LUZP1: variants seen among roughly 807,000 people sequenced by gnomAD.
LUZP1 encodes filamin mechanobinding actin cross-linking protein.
A neutral mutation model predicts 71.3 loss-of-function variants in LUZP1; 25 were observed. That is an observed-to-expected ratio of 0.35 (90% confidence interval 0.26 to 0.49). The LOEUF is 0.49. LUZP1 is among the 20% of genes least tolerant of loss of function. LUZP1 has a pLI of 0.99. For synonymous variants in LUZP1, 481 were observed against 506.4 expected, an observed-to-expected ratio of 0.95 and a Z score of 0.67; for missense variants, 1,142 against 1,300.8, an observed-to-expected ratio of 0.88 and a Z score of 1.88.
chr1:23,175,119 G>A (rs1644575068), intron 1 of LUZP1, among the ~76,000 whole-genome samples: 1 of 152,018 alleles, frequency 6.6e-6, no homozygotes, highest in Non-Finnish European at 1.5e-5. Context: ...TGCAGACTGG[G>A]AAAACAAGGC....
chr1:23,125,047 G>A (rs1425570333), intron 2 of LUZP1, among the ~76,000 whole-genome samples: 1 of 152,088 alleles, frequency 6.6e-6, no homozygotes, highest in African/African-American at 2.4e-5. Flanking sequence ...CCATCATACA[G>A]AGCTGAGAGA....
At chr1:23,126,581 C>T (rs1644173432) in intron 2 of LUZP1, among the ~76,000 whole-genome samples, 2 of 152,184 alleles carry the variant, frequency 1.3e-5, no homozygotes, top group South Asian at 4.1e-4. Context: ...CCACCACTAC[C>T]ACTATATTCC....
intron 2 of LUZP1, among the ~76,000 whole-genome samples, chr1:23,151,688 A>C (rs1007947452): frequency 1.8e-4 from 28 of 152,154 alleles, no homozygotes; most frequent in African/African-American, 6.8e-4. Context: ...TCAAGTACCT[A>C]CTACACAGTA....
intron 3 of LUZP1, among the ~76,000 whole-genome samples, chr1:23,100,973 G>C (rs1364994547): frequency 6.6e-6 from 1 of 152,104 alleles, no homozygotes; most frequent in Non-Finnish European, 1.5e-5. Context: ...TCTATGTTCA[G>C]GATTCTTCCC....
chr1:23,107,132 T>A (rs1643989169), intron 3 of LUZP1, among the ~76,000 whole-genome samples: 1 of 152,176 alleles, frequency 6.6e-6, no homozygotes, highest in Non-Finnish European at 1.5e-5. Flanking sequence ...CCCCCAGATA[T>A]CTCCCTAGCT....
chr1:23,138,506 G>T (rs1041777893), intron 2 of LUZP1, among the ~76,000 whole-genome samples: 2 of 152,044 alleles, frequency 1.3e-5, no homozygotes, highest in Admixed American at 1.3e-4. Flanking sequence ...AGCAGAGAAC[G>T]GAGAGTGACT....
intron 2 of LUZP1, among the ~76,000 whole-genome samples, chr1:23,141,943 C>T (rs937970769): frequency 1.3e-5 from 2 of 151,844 alleles, no homozygotes; most frequent in African/African-American, 4.8e-5. Context: ...CTCCCGGGTT[C>T]AAGCAATTCT....
intron 2 of LUZP1, among the ~76,000 whole-genome samples, chr1:23,120,281 T>C (rs1257940276): frequency 6.6e-6 from 1 of 151,988 alleles, no homozygotes; most frequent in Non-Finnish European, 1.5e-5. Flanking sequence ...TCATCTGAAA[T>C]TCAGGATCCC....
intron 2 of LUZP1, among the ~76,000 whole-genome samples, chr1:23,128,442 G>A (rs893665052): frequency 6.6e-6 from 1 of 152,162 alleles, no homozygotes; most frequent in Non-Finnish European, 1.5e-5. Flanking sequence ...GTTCAAATGT[G>A]TTAATGCTTA....
chr1:23,148,726 CTAAT>C (rs1557681787), intron 2 of LUZP1, among the ~76,000 whole-genome samples: 1 of 152,136 alleles, frequency 6.6e-6, no homozygotes, highest in Admixed American at 6.5e-5. Context: ...ATTTAGGACA[CTAAT>C]TGATATAAAA....
chr1:23,091,927 C>T, exon 4 of LUZP1: 1 of 1,614,154 alleles, frequency 6.2e-7, no homozygotes, highest in East Asian at 2.2e-5. Context: ...TTCTGTTTCT[C>T]CAACGTAGTC....
At chr1:23,148,756 G>GTTTT (rs1327152646) in intron 2 of LUZP1, among the ~76,000 whole-genome samples, 3 of 151,704 alleles carry the variant, frequency 2.0e-5, no homozygotes. Flanking sequence ...CAAAAATTTT[G>GTTTT]GAGCAGTTCA....
At chr1:23,156,432 C>T (rs1644421194) in intron 2 of LUZP1, among the ~76,000 whole-genome samples, 1 of 152,132 alleles carries the variant, frequency 6.6e-6, no homozygotes, top group South Asian at 2.1e-4. Flanking sequence ...AAATACATTT[C>T]ACCCTTTAAT....
intron 2 of LUZP1, chr1:23,133,329 T>A (rs1049919199): frequency 2.0e-5 from 3 of 152,240 alleles, no homozygotes; most frequent in Non-Finnish European, 2.9e-5. Flanking sequence ...GTGTAATAAT[T>A]GATTCAAGCT....
At chr1:23,122,453 G>GC (rs1644138056) in intron 2 of LUZP1, among the ~76,000 whole-genome samples, 1 of 152,146 alleles carries the variant, frequency 6.6e-6, no homozygotes. Flanking sequence ...CAGACCAGCA[G>GC]CATGCAACCA....
At chr1:23,117,523 G>T in intron 2 of LUZP1, among the ~76,000 whole-genome samples, 1 of 84,152 alleles carries the variant, frequency 1.2e-5, no homozygotes, top group Non-Finnish European at 2.3e-5. Context: ...GGGGGGCGGG[G>T]GGGGGGAACA....
chr1:23,163,713 T>A (rs1644487838), intron 2 of LUZP1, among the ~76,000 whole-genome samples: 1 of 152,132 alleles, frequency 6.6e-6, no homozygotes, highest in African/African-American at 2.4e-5. Flanking sequence ...ATGCTTGTCA[T>A]GTTGTGGCTC....
intron 3 of LUZP1, among the ~76,000 whole-genome samples, chr1:23,097,639 T>G (rs1299308959): frequency 6.6e-6 from 1 of 152,108 alleles, no homozygotes; most frequent in African/African-American, 2.4e-5. Context: ...AACACCAGCC[T>G]GGGCACAACA....
chr1:23,138,683 GTGTGTGTGTGTGTGTATATA>G (rs1242726562), intron 2 of LUZP1, among the ~76,000 whole-genome samples: 2 of 104,972 alleles, frequency 1.9e-5, no homozygotes, highest in Non-Finnish European at 3.6e-5. Context: ...GTGTGTGTGT[GTGTGTGTGTGTGTGTATATA>G]TATATATATA....
Sources: allele counts gnomAD v4.1 joint callset (sites outside exome capture counted in the v4.1 genomes callset), GRCh38; gene constraint gnomAD v4.1.1; transcripts MANE v1.5; gene names NCBI Gene and HGNC (gene_info 2026-07-23, HGNC 2026-07-21).